Variants in HRK observed in about 807,000 individuals in gnomAD.
HRK encodes the protein activator of apoptosis harakiri.
Under a neutral mutation model 5.9 loss-of-function variants are expected in HRK, and 6 were observed. The ratio of observed to expected loss-of-function variants is 1.02; its 90% CI spans 0.56 to 2.01. The LOEUF (loss-of-function observed/expected upper bound fraction) is 2.01, where lower values mean the gene tolerates loss of function less well. Among genes scored for constraint, HRK ranks in the 30% most tolerant of loss-of-function variants. The probability of loss-of-function intolerance (pLI) is 0.00; values close to 1 mark genes in which losing one functional copy is unlikely to be tolerated. For synonymous variants in HRK, 85 were observed against 65.1 expected, an observed-to-expected ratio of 1.31 and a Z score of -1.47; for missense variants, 133 against 128.3, an observed-to-expected ratio of 1.04 and a Z score of -0.18.
Position 116,860,183 on chromosome 12 carries a change from T to G in HRK, c.*1340A>C, listed in dbSNP as rs1478409883. On this transcript the variant is annotated 3_prime_UTR_variant, in exon 2 of 2. Coordinates refer to ENST00000257572, the MANE Select transcript of HRK (RefSeq NM_003806.4). ...TCCTGCACAGAGGAAGAATACCTGC[T>G]TATGTTGGATTTTTCGAAAATGAAA... The G allele has an allele frequency of 6.6e-6, 1 of 152,232 alleles. No homozygotes were observed. The highest frequency in any genetic ancestry group is 1.5e-5 in the Non-Finnish European group (1 of 68,058). 9.4% of individuals were successfully genotyped at this position (152,232 alleles called of 1,614,324 possible).
At position 116,880,648 on chromosome 12, in the gene HRK, T is replaced by G. The variant is rs144974154; in HGVS notation, c.*56+328A>C. On this transcript the variant is annotated intron_variant, in intron 1 of 1. Coordinates refer to ENST00000257572, the MANE Select transcript of HRK (RefSeq NM_003806.4). ...CTACATTCCCATAGCAAGCACACTT[T>G]TTACTTGCATTGTGTGTTTATTTGT... 8.0e-3 allele frequency among the ~76,000 whole-genome samples: 1,219 copies of G among 152,180 alleles called. 14 individuals carry two copies. Among genetic ancestry groups the G allele is most frequent in the South Asian group, 0.036 (173 of 4,810 alleles).
chr12:116,870,499 C>T lies in HRK; in HGVS notation c.*57-9033G>A, dbSNP rs572086036. On this transcript the variant is annotated intron_variant, in intron 1 of 1. Coordinates refer to ENST00000257572, the MANE Select transcript of HRK (RefSeq NM_003806.4). ...CAGTCACAGCCAGCTCAAAAGCCAA[C>T]AGACACCTGACATATAAAGGCCAGT... 2.0e-5 allele frequency among the ~76,000 whole-genome samples: 3 copies of T among 152,270 alleles called. No individual in the cohort carries two copies. The South Asian group carries it at 6.2e-4, about 32-fold the overall frequency.
In HRK at chr12:116,862,593, C is replaced by A. The variant is rs1239480463; in HGVS notation, c.*57-1127G>T. Among the ~76,000 whole-genome samples the A allele has an allele frequency of 6.6e-6, 1 of 152,080 alleles. No individual in the cohort carries two copies. Among genetic ancestry groups the A allele is most frequent in the Non-Finnish European group, 1.5e-5 (1 of 68,030 alleles). On this transcript the variant is annotated intron_variant, in intron 1 of 1. Transcript: ENST00000257572. This position sits in a 1 kb window ranked among gnomAD's most constrained non-coding sequence, Gnocchi z 4.0. Reference sequence around the variant, plus strand: ...GAGGAATTGGGGAGTGATACTCATGCGCATGGGGTTTCTTTCAGGGAAACG... The same window carrying A: ...GAGGAATTGGGGAGTGATACTCATGAGCATGGGGTTTCTTTCAGGGAAACG...
At chr12:116,873,189 G>A (rs1878821839) in intron 1 of HRK, among the ~76,000 whole-genome samples, 1 of 152,204 alleles carries the variant, frequency 6.6e-6, no homozygotes, top group Non-Finnish European at 1.5e-5. Context: ...AGGACAGAGT[G>A]CAGTGGCACA....
chr12:116,865,900 G>A (rs543321087), intron 1 of HRK, among the ~76,000 whole-genome samples: 1 of 152,294 alleles, frequency 6.6e-6, no homozygotes, highest in East Asian at 1.9e-4. Context: ...GCTCACGCCT[G>A]TAATCCCAGC....
chr12:116,857,573 G>T lies in HRK; in HGVS notation c.*3950C>A, dbSNP rs1252880717. On this transcript the variant is annotated 3_prime_UTR_variant, in exon 2 of 2. Coordinates refer to ENST00000257572, the MANE Select transcript of HRK (RefSeq NM_003806.4). The stretch of plus-strand genomic sequence containing the variant: ...CTAAAAGATACTTGTGTAGGAGGTG[G>T]GTGGGTGAGGACTCCTCTAATGCCC... 1 of 152,182 alleles carries T rather than the reference G, an allele frequency of 6.6e-6. No homozygotes were observed. Among genetic ancestry groups the T allele is most frequent in the Non-Finnish European group, 1.5e-5 (1 of 68,052 alleles). 9.4% of individuals were successfully genotyped at this position (152,182 alleles called of 1,614,324 possible).
intron 1 of HRK, among the ~76,000 whole-genome samples, chr12:116,869,146 G>A (rs1026941401): frequency 2.6e-5 from 4 of 151,944 alleles, no homozygotes; most frequent in African/African-American, 9.7e-5. Context: ...GCTAATTTTT[G>A]TACATATTTT....
chr12:116,866,859 C>A (rs1209640580), intron 1 of HRK, among the ~76,000 whole-genome samples: 1 of 152,190 alleles, frequency 6.6e-6, no homozygotes, highest in Non-Finnish European at 1.5e-5. Context: ...AAAATACAGA[C>A]TCTTCTTAAG....
chr12:116,875,084 TA>T (rs1403494020), intron 1 of HRK, among the ~76,000 whole-genome samples: 4 of 152,124 alleles, frequency 2.6e-5, no homozygotes, highest in Non-Finnish European at 5.9e-5. Flanking sequence ...AAAACACACA[TA>T]AAAACAATAC....
intron 1 of HRK, among the ~76,000 whole-genome samples, chr12:116,865,461 A>T (rs1386941036): frequency 2.0e-5 from 3 of 152,120 alleles, no homozygotes; most frequent in African/African-American, 7.2e-5. Flanking sequence ...CGGGAAGTGG[A>T]GGTTGCAGTG....
intron 1 of HRK, among the ~76,000 whole-genome samples, chr12:116,865,618 A>C (rs1326850856): frequency 6.6e-6 from 1 of 152,248 alleles, no homozygotes; most frequent in Non-Finnish European, 1.5e-5. Flanking sequence ...ACAGCAAAGA[A>C]GAATATAAAA....
At position 116,857,285 on chromosome 12, in the gene HRK, A is replaced by C. The variant is rs749324252; in HGVS notation, c.*4238T>G. Reference sequence around the variant, plus strand: ...ATGCTCAATCAATATATGCTAAATGAATGAATGAGAATTTAAAAAATAAAC... The same window carrying C: ...ATGCTCAATCAATATATGCTAAATGCATGAATGAGAATTTAAAAAATAAAC... On this transcript the variant is annotated 3_prime_UTR_variant, in exon 2 of 2. Transcript: ENST00000257572. 12 of 152,254 alleles carry C rather than the reference A, an allele frequency of 7.9e-5. No individual in the cohort carries two copies. The highest frequency in any genetic ancestry group is 1.6e-4 in the Non-Finnish European group (11 of 68,052). 9.4% of individuals were successfully genotyped at this position (152,254 alleles called of 1,614,324 possible).
At chr12:116,869,065 C>T (rs1359460954) in intron 1 of HRK, among the ~76,000 whole-genome samples, 1 of 151,948 alleles carries the variant, frequency 6.6e-6, no homozygotes, top group Non-Finnish European at 1.5e-5. Flanking sequence ...ACTTGACCTC[C>T]TGGGCTCAAG....
intron 1 of HRK, among the ~76,000 whole-genome samples, chr12:116,864,199 G>A (rs1878459582): frequency 6.6e-6 from 1 of 152,230 alleles, no homozygotes. Flanking sequence ...CCTACAGAAT[G>A]AAAGTCAGTG....
At chr12:116,877,644 T>C (rs1391741257) in intron 1 of HRK, among the ~76,000 whole-genome samples, 2 of 152,228 alleles carry the variant, frequency 1.3e-5, no homozygotes, top group Non-Finnish European at 2.9e-5. Flanking sequence ...ATAATAATCA[T>C]GATGGCTCAC....
rs143161176 is a variant in HRK at position 116,857,025 on chromosome 12, G to A, written c.*4498C>T. 5 of 152,330 alleles carry A rather than the reference G, an allele frequency of 3.3e-5. No homozygotes were observed. Among genetic ancestry groups the A allele is most frequent in the Admixed American group, 2.0e-4 (3 of 15,306 alleles). The allele number at this position is 152,330 out of a possible 1,614,324, so 9.4% of individuals were successfully genotyped here. On this transcript the variant is annotated 3_prime_UTR_variant, in exon 2 of 2. Transcript: ENST00000257572. The stretch of plus-strand genomic sequence containing the variant: ...AGTCTGTTCATGCTGGAAATGAGTC[G>A]AGATTGCAGGCTTTTTAACTGCCTT...
intron 1 of HRK, among the ~76,000 whole-genome samples, chr12:116,863,625 A>G (rs928140686): frequency 6.6e-6 from 1 of 152,162 alleles, no homozygotes; most frequent in African/African-American, 2.4e-5. Context: ...TATGAGTCAT[A>G]AACACATGGA....
At chr12:116,864,776 A>G (rs911008142) in intron 1 of HRK, among the ~76,000 whole-genome samples, 7 of 152,098 alleles carry the variant, frequency 4.6e-5, no homozygotes, top group Admixed American at 6.6e-5. Flanking sequence ...TATGGGCTAT[A>G]TTTTATATAT....
At chr12:116,865,031 G>A (rs552747252) in intron 1 of HRK, among the ~76,000 whole-genome samples, 3 of 152,226 alleles carry the variant, frequency 2.0e-5, no homozygotes, top group African/African-American at 2.4e-5. Flanking sequence ...CACCGTGTGA[G>A]GGGGGAGGCG....
Sources: gnomAD v4.1 joint callset for allele counts (sites outside exome capture counted in the v4.1 genomes callset) on GRCh38, gnomAD v4.1.1 for gene constraint, Gnocchi (gnomAD v3.1) non-coding constraint, MANE v1.5 for transcripts, NCBI Gene and HGNC (gene_info 2026-07-23, HGNC 2026-07-21) for gene names.